FLRT1: variants seen among roughly 807,000 people sequenced by gnomAD.
FLRT1 encodes fibronectin leucine rich transmembrane protein 1.
Under a neutral mutation model 30.9 loss-of-function variants are expected in FLRT1, and 14 were observed. That is an observed-to-expected ratio of 0.45 (90% confidence interval 0.30 to 0.71). FLRT1 has a LOEUF of 0.71. Ranked by LOEUF, FLRT1 falls within the 30% of genes least tolerant of loss-of-function variation. The pLI, the probability that FLRT1 is intolerant of heterozygous loss-of-function variation, is 0.08. For synonymous variants in FLRT1, 368 were observed against 430.4 expected, an observed-to-expected ratio of 0.85 and a Z score of 1.80; for missense variants, 737 against 949.2, an observed-to-expected ratio of 0.78 and a Z score of 2.94.
intron 1 of FLRT1, among the ~76,000 whole-genome samples, chr11:64,045,962 C>T (rs1943577200): frequency 6.6e-6 from 1 of 152,190 alleles, no homozygotes; most frequent in African/African-American, 2.4e-5. Flanking sequence ...CATGACTGAG[C>T]ACTCACTGTG....
intron 1 of FLRT1, among the ~76,000 whole-genome samples, chr11:64,074,993 G>T (rs1417426889): frequency 6.6e-6 from 1 of 152,226 alleles, no homozygotes; most frequent in Admixed American, 6.5e-5. Context: ...TCTCCTTAAG[G>T]TTGAAAAGGG....
At chr11:64,077,117 A>G (rs961618769) in intron 1 of FLRT1, among the ~76,000 whole-genome samples, 6 of 152,150 alleles carry the variant, frequency 3.9e-5, no homozygotes, top group Non-Finnish European at 5.9e-5. Context: ...ACCTCAGTCC[A>G]GCCTCGGGTA....
rs896027868 is a variant in FLRT1, at chr11:64,084,605, C to T, written c.-1037-18589C>T. On this transcript the variant is annotated intron_variant, in intron 1 of 2. Transcript: ENST00000682287. ...CTCTGTAAAATGGGTGGACAGTACC[C>T]ACTTAGGACAGCGCCTAGAAGGGAC... 2.6e-5 allele frequency among the ~76,000 whole-genome samples: 4 copies of T among 152,322 alleles called. No individual in the cohort carries two copies. In the South Asian group the frequency reaches 8.3e-4, roughly 32 times the overall value.
chr11:64,059,023 TGC>T (rs1354281392), intron 1 of FLRT1, among the ~76,000 whole-genome samples: 1 of 151,828 alleles, frequency 6.6e-6, no homozygotes, highest in African/African-American at 2.4e-5. Flanking sequence ...GGCTGAGGAG[TGC>T]CTGATGCTCT....
intron 1 of FLRT1, among the ~76,000 whole-genome samples, chr11:64,070,640 C>G (rs146547511): frequency 6.6e-6 from 1 of 152,140 alleles, no homozygotes; most frequent in South Asian, 2.1e-4. Flanking sequence ...AACTAACACT[C>G]GGGCTGGGGC....
intron 1 of FLRT1, among the ~76,000 whole-genome samples, chr11:64,076,718 G>T (rs939816497): frequency 6.6e-6 from 1 of 152,176 alleles, no homozygotes; most frequent in Non-Finnish European, 1.5e-5. Context: ...TTCAGGAGCC[G>T]GAGGTTTGAT....
rs1480416228 is a variant in FLRT1, at chr11:64,065,767, G to A, written c.-1038+29608G>A. On this transcript the variant is annotated intron_variant, in intron 1 of 2. Coordinates refer to ENST00000682287, the MANE Select transcript of FLRT1 (RefSeq NM_013280.5). ...ATGGCGCCACTGCACTCCAGCCTGG[G>A]CGACAGAGCACGACTCCGCCTCAAA... Among the ~76,000 whole-genome samples, 3 of 148,164 alleles carry A rather than the reference G, an allele frequency of 2.0e-5. No homozygotes were observed. In the East Asian group the frequency reaches 5.9e-4, roughly 29 times the overall value.
At chr11:64,039,296 C>G (rs1421910173) in intron 1 of FLRT1, among the ~76,000 whole-genome samples, 1 of 152,110 alleles carries the variant, frequency 6.6e-6, no homozygotes, top group African/African-American at 2.4e-5. Flanking sequence ...GGGGACTGCC[C>G]CGGGGGTAGC....
rs1944718895 is a variant in FLRT1 at position 64,104,194 on chromosome 11, G to A, written c.-50+13G>A. The A allele has an allele frequency of 6.6e-6, 1 of 152,390 alleles. No individual in the cohort carries two copies. The allele number at this position is 152,390 out of a possible 1,614,324, so 9.4% of individuals were successfully genotyped here. ...AGCGACGAAGGAGGTAAGGCCCAAG[G>A]ACAAGGGAAGAGGGACGCGAATTCA... On this transcript the variant is annotated intron_variant, in intron 2 of 2. Transcript: ENST00000682287.
chr11:64,086,039 C>G (rs1276894533), intron 1 of FLRT1, among the ~76,000 whole-genome samples: 2 of 152,194 alleles, frequency 1.3e-5, no homozygotes, highest in Non-Finnish European at 1.5e-5. Flanking sequence ...GTGGCCACAG[C>G]CTGTCCCTGC....
intron 1 of FLRT1, among the ~76,000 whole-genome samples, chr11:64,084,552 C>A (rs1343097137): frequency 6.6e-6 from 1 of 152,218 alleles, no homozygotes; most frequent in South Asian, 2.1e-4. Context: ...GAGGCAGTTT[C>A]TTTGCCTCTC....
chr11:64,060,854 G>C (rs1404612176), intron 1 of FLRT1, among the ~76,000 whole-genome samples: 1 of 152,166 alleles, frequency 6.6e-6, no homozygotes, highest in Non-Finnish European at 1.5e-5. Context: ...GGGTGTGAAC[G>C]GGGCCAAAGC....
rs749218718 is a variant in FLRT1, at chr11:64,117,685, A to G, written c.1418A>G (p.His473Arg). The change falls in exon 3 of 3, where the codon CAC becomes CGC. Residue 473 changes from histidine (H) to arginine (R), a missense_variant. Transcript: ENST00000682287. ...SFRLSWLRLG[H>R]SPAVGSITET... ...CGGCTCAGTTGGCTGCGCCTGGGCC[A>G]CAGCCCAGCCGTGGGCTCCATCACG... 7.4e-6 allele frequency: 12 copies of G among 1,613,514 alleles called. No homozygotes were observed. Among genetic ancestry groups the G allele is most frequent in the African/African-American group, 1.3e-5 (1 of 74,958 alleles).
intron 1 of FLRT1, among the ~76,000 whole-genome samples, chr11:64,087,952 C>T (rs1944423458): frequency 6.6e-6 from 1 of 152,146 alleles, no homozygotes; most frequent in African/African-American, 2.4e-5. Context: ...GGAGGCCGGG[C>T]CTCCTCAGCT....
chr11:64,050,600 G>GTCCAGCGGTGACCATGA (rs1943674768), intron 1 of FLRT1, among the ~76,000 whole-genome samples: 2 of 152,216 alleles, frequency 1.3e-5, no homozygotes, highest in Admixed American at 1.3e-4. Context: ...AGTGAGGGCT[G>GTCCAGCGGTGACCATGA]TCCAGCGGTG....
intron 2 of FLRT1, among the ~76,000 whole-genome samples, chr11:64,114,055 C>CATGGATGG (rs61724501): frequency 4.5e-4 from 44 of 98,124 alleles, no homozygotes; most frequent in Non-Finnish European, 7.1e-4. Context: ...TGGGTTGATG[C>CATGGATGG]ATGGATGGAT....
chr11:64,076,275 T>G (rs1019663201), intron 1 of FLRT1, among the ~76,000 whole-genome samples: 3 of 152,148 alleles, frequency 2.0e-5, no homozygotes, highest in East Asian at 3.9e-4. Flanking sequence ...CCCATGACCC[T>G]CCACTGCATG....
Position 64,117,715 on chromosome 11 carries a change from C to G in FLRT1, c.1448C>G (p.Thr483Ser). The change falls in exon 3 of 3, where the codon ACC (threonine) becomes AGC (serine). Residue 483 changes from threonine to serine, a missense_variant. Transcript: ENST00000682287. ...HSPAVGSITE[T>S]LVQGDKTEYL... ...CCAGCCGTGGGCTCCATCACGGAGA[C>G]CTTGGTGCAGGGGGACAAGACAGAG... 3 of 1,613,670 alleles carry G rather than the reference C, an allele frequency of 1.9e-6. No individual in the cohort carries two copies. Among genetic ancestry groups the G allele is most frequent in the Non-Finnish European group, 2.5e-6 (3 of 1,179,910 alleles).
intron 2 of FLRT1, among the ~76,000 whole-genome samples, chr11:64,105,694 C>T (rs371783237): frequency 6.5e-4 from 99 of 152,298 alleles, no homozygotes; most frequent in Admixed American, 2.4e-3. Context: ...TGGAGAAGAG[C>T]GGCTCCCATG....
Sources: allele counts gnomAD v4.1 joint callset (sites outside exome capture counted in the v4.1 genomes callset), GRCh38; gene constraint gnomAD v4.1.1; transcripts MANE v1.5; gene names NCBI Gene and HGNC (gene_info 2026-07-23, HGNC 2026-07-21).